The following GALNT13 variants were observed in gnomAD, a reference collection of about 807,000 sequenced individuals.
The protein encoded by GALNT13 is UDP-GalNAc:polypeptide N-acetylgalactosaminyltransferase 13.
Under a neutral mutation model 64.2 loss-of-function variants are expected in GALNT13, and 28 were observed. That is an observed-to-expected ratio of 0.44 (90% CI 0.32 to 0.60). The LOEUF (loss-of-function observed/expected upper bound fraction) is 0.60, where lower values mean the gene tolerates loss of function less well. Among genes scored for constraint, GALNT13 ranks in the 20% least tolerant of loss-of-function variants. The pLI is 0.05. For synonymous variants in GALNT13, 214 were observed against 224.6 expected (o/e 0.95, Z 0.42); for missense variants, 577 against 669.8 (o/e 0.86, Z 1.53).
chr2:153,410,796 G>A, the GALNT13 span, among the ~76,000 whole-genome samples: 1 of 151,970 alleles, frequency 6.6e-6, no homozygotes, highest in South Asian at 2.1e-4. Flanking sequence ...ATTATATAGT[G>A]TTAGCACTAG....
chr2:154,237,201 T>G (rs1689236848), intron 4 of GALNT13, among the ~76,000 whole-genome samples: 1 of 151,926 alleles, frequency 6.6e-6, no homozygotes. Context: ...ATGTGGAGAT[T>G]ATGAGCTTTA....
intron 12 of GALNT13, chr2:154,446,703 A>G: frequency 6.5e-7 from 1 of 1,547,272 alleles, no homozygotes; most frequent in Non-Finnish European, 8.7e-7. Context: ...CTATACAAGA[A>G]TGGAAATTTT....
At position 154,451,244 on chromosome 2, in the gene GALNT13, C is replaced by G. The variant is rs1418451253; in HGVS notation, c.*693C>G. 1 of 152,108 alleles carries G rather than the reference C, an allele frequency of 6.6e-6. No individual in the cohort carries two copies. The highest frequency in any genetic ancestry group is 2.4e-5 in the African/African-American group (1 of 41,432). 9.4% of individuals were successfully genotyped at this position (152,108 alleles called of 1,614,324 possible). A position where few individuals can be genotyped will look rare whatever the true frequency, so the allele number is the denominator to read the frequency against. Reference sequence around the variant, plus strand: ...AACAAGATGAGTCTAATCCGCAGCACTTCGATCACTGTGAGAGAACTCAAA... The same window carrying G: ...AACAAGATGAGTCTAATCCGCAGCAGTTCGATCACTGTGAGAGAACTCAAA... On this transcript the variant is annotated 3_prime_UTR_variant, in exon 13 of 13. Transcript: ENST00000392825.
At chr2:154,399,282 T>G (rs1244873222) in intron 10 of GALNT13, among the ~76,000 whole-genome samples, 1 of 152,126 alleles carries the variant, frequency 6.6e-6, no homozygotes, top group African/African-American at 2.4e-5. Context: ...GAACTTGAGC[T>G]ATGTCTTAGT....
chr2:154,163,750 A>T (rs2105674904), intron 4 of GALNT13, among the ~76,000 whole-genome samples: 1 of 152,362 alleles, frequency 6.6e-6, no homozygotes, highest in Middle Eastern at 3.4e-3. Flanking sequence ...GGAAGTTAGT[A>T]GAAATGGTGG....
chr2:153,899,896 T>C (rs1440723142), intron 1 of GALNT13, among the ~76,000 whole-genome samples: 1 of 149,864 alleles, frequency 6.7e-6, no homozygotes, highest in Middle Eastern at 3.2e-3. Flanking sequence ...ACACACTGTA[T>C]TTTTGAAGGG....
intron 4 of GALNT13, among the ~76,000 whole-genome samples, chr2:154,156,227 A>G (rs992680927): frequency 2.0e-5 from 3 of 152,056 alleles, no homozygotes; most frequent in African/African-American, 7.2e-5. Flanking sequence ...TTATCATCAT[A>G]CTATATAAAA....
At chr2:154,343,856 G>T (rs550900557) in intron 9 of GALNT13, among the ~76,000 whole-genome samples, 21 of 152,068 alleles carry the variant, frequency 1.4e-4, no homozygotes, top group Non-Finnish European at 2.9e-4. Flanking sequence ...AGCTTGGGAA[G>T]ATAGCTGCTC....
chr2:154,310,854 G>GT (rs962423536), intron 9 of GALNT13, among the ~76,000 whole-genome samples: 10 of 152,014 alleles, frequency 6.6e-5, no homozygotes, highest in Non-Finnish European at 1.0e-4. Flanking sequence ...TCCACATAAA[G>GT]TTTTTTGAGA....
At chr2:153,352,410 T>C in the GALNT13 span, among the ~76,000 whole-genome samples, 12 of 152,144 alleles carry the variant, frequency 7.9e-5, no homozygotes, top group African/African-American at 2.4e-4. Context: ...TGCCTCTTTT[T>C]ATTCTTTTGA....
chr2:153,125,941 G>GA, the GALNT13 span, among the ~76,000 whole-genome samples: 1 of 151,876 alleles, frequency 6.6e-6, no homozygotes, highest in Non-Finnish European at 1.5e-5. Context: ...GACTGGTGGA[G>GA]AAAAAAGAAA....
intron 3 of GALNT13, among the ~76,000 whole-genome samples, chr2:154,120,986 G>A (rs1218403493): frequency 6.6e-6 from 1 of 152,082 alleles, no homozygotes. Flanking sequence ...GGACTTCCTG[G>A]AAAGAATGTT....
the GALNT13 span, among the ~76,000 whole-genome samples, chr2:153,432,507 A>G: frequency 6.6e-5 from 10 of 152,160 alleles, no homozygotes; most frequent in Non-Finnish European, 1.3e-4. Flanking sequence ...ACCAGGAAAT[A>G]AATTCATTTC....
chr2:154,047,193 G>A (rs1006720202), intron 3 of GALNT13, among the ~76,000 whole-genome samples: 1 of 151,880 alleles, frequency 6.6e-6, no homozygotes, highest in African/African-American at 2.4e-5. Context: ...TATTCATTTT[G>A]CTAGAAATTT....
At chr2:154,143,653 G>A (rs867914377) in intron 4 of GALNT13, among the ~76,000 whole-genome samples, 1 of 151,364 alleles carries the variant, frequency 6.6e-6, no homozygotes, top group African/African-American at 2.4e-5. Flanking sequence ...CTGAAGTCAC[G>A]GGTTTGAGAC....
At chr2:154,394,186 A>G (rs1242784101) in intron 9 of GALNT13, among the ~76,000 whole-genome samples, 1 of 150,954 alleles carries the variant, frequency 6.6e-6, no homozygotes, top group Admixed American at 6.6e-5. Context: ...CTTTTAGAGC[A>G]GAGGTTGGCC....
the GALNT13 span, among the ~76,000 whole-genome samples, chr2:153,091,611 C>T: frequency 6.6e-6 from 1 of 152,226 alleles, no homozygotes; most frequent in African/African-American, 2.4e-5. Context: ...TTCTGTCTGT[C>T]CAAGTGGGAG....
At chr2:153,490,516 A>T in the GALNT13 span, among the ~76,000 whole-genome samples, 1 of 152,100 alleles carries the variant, frequency 6.6e-6, no homozygotes, top group Non-Finnish European at 1.5e-5. Context: ...AGTAGCTGGG[A>T]CTGCAGGCAT....
chr2:154,252,505 C>T (rs1366178739), intron 7 of GALNT13, among the ~76,000 whole-genome samples: 1 of 110,650 alleles, frequency 9.0e-6, no homozygotes, highest in African/African-American at 3.5e-5. Flanking sequence ...TACAGGTGCC[C>T]GCCACCATGC....
Sources: allele counts gnomAD v4.1 joint callset (sites outside exome capture counted in the v4.1 genomes callset), GRCh38; gene constraint gnomAD v4.1.1; transcripts MANE v1.5; gene names NCBI Gene and HGNC (gene_info 2026-07-23, HGNC 2026-07-21).